Variants in SYT9 observed in about 807,000 individuals in gnomAD.
SYT9 encodes synaptotagmin-9.
A neutral mutation model predicts 48.4 loss-of-function variants in SYT9; 22 were observed. The ratio of observed to expected loss-of-function variants is 0.45; its 90% CI spans 0.32 to 0.65. The LOEUF is 0.65. Ranked by LOEUF, SYT9 falls within the 30% of genes least tolerant of loss-of-function variation. The probability of loss-of-function intolerance (pLI) is 0.03; values close to 1 mark genes in which losing one functional copy is unlikely to be tolerated. For missense variants in SYT9, 577 were observed against 622.0 expected, an observed-to-expected ratio of 0.93 and a Z score of 0.77; for synonymous variants, 265 against 245.0, an observed-to-expected ratio of 1.08 and a Z score of -0.76.
chr11:7,429,029 A>T (rs1847517597), intron 6 of SYT9, among the ~76,000 whole-genome samples: 1 of 152,086 alleles, frequency 6.6e-6, no homozygotes, highest in African/African-American at 2.4e-5. Flanking sequence ...TAGTACTCAC[A>T]CTCCAGCAAC....
chr11:7,442,402 G>A (rs561943021), intron 6 of SYT9, among the ~76,000 whole-genome samples: 1 of 152,312 alleles, frequency 6.6e-6, no homozygotes, highest in African/African-American at 2.4e-5. Context: ...CGGAACACTT[G>A]TCATTTCAAG....
At chr11:7,367,332 C>T (rs1415323877) in intron 3 of SYT9, among the ~76,000 whole-genome samples, 1 of 151,242 alleles carries the variant, frequency 6.6e-6, no homozygotes, top group Non-Finnish European at 1.5e-5. Context: ...CCGCCCTCCT[C>T]GGCCTCCCAG....
At chr11:7,282,743 C>A (rs996730689) in intron 1 of SYT9, among the ~76,000 whole-genome samples, 19 of 152,060 alleles carry the variant, frequency 1.2e-4, no homozygotes, top group African/African-American at 4.6e-4. Context: ...CAGTTGTTTC[C>A]CTTGAGACAC....
intron 3 of SYT9, among the ~76,000 whole-genome samples, chr11:7,318,708 C>T (rs935379135): frequency 6.6e-6 from 1 of 152,118 alleles, no homozygotes; most frequent in African/African-American, 2.4e-5. Flanking sequence ...ATTGTTTTAT[C>T]GTATGCTATA....
intron 3 of SYT9, among the ~76,000 whole-genome samples, chr11:7,343,549 AT>A (rs879583456): frequency 1.3e-5 from 2 of 152,194 alleles, no homozygotes; most frequent in Non-Finnish European, 2.9e-5. Flanking sequence ...TTAATGGTCC[AT>A]TATCAGCATT....
At chr11:7,244,522 C>A (rs763672573) in intron 1 of SYT9, among the ~76,000 whole-genome samples, 15 of 152,094 alleles carry the variant, frequency 9.9e-5, no homozygotes, top group Non-Finnish European at 2.2e-4. Context: ...GTCTCTTGGT[C>A]CAGATAAATT....
chr11:7,431,097 T>A (rs1161778471), intron 6 of SYT9, among the ~76,000 whole-genome samples: 47 of 152,330 alleles, frequency 3.1e-4, no homozygotes, highest in Non-Finnish European at 2.9e-5. Flanking sequence ...TAGGGACTGG[T>A]TAAATGGTTG....
Position 7,417,996 on chromosome 11 carries a change from G to T in SYT9, c.1205G>T (p.Arg402Leu). 1 of 1,614,040 alleles carries T rather than the reference G, an allele frequency of 6.2e-7. No individual in the cohort carries two copies. The highest frequency in any genetic ancestry group is 8.5e-7 in the Non-Finnish European group (1 of 1,179,990). ...GTCTCGCTGATGTGTGATGGCAGAC[G>T]ACTGAAGAAGAGGAAAACATCCACC... ...VKVSLMCDGR[R>L]LKKRKTSTKR... is the part of the protein sequence containing the mutation. Residue 402 changes from arginine (R) to leucine (L), a missense_variant, in exon 5 of 7, where the codon CGA becomes CTA. Coordinates refer to ENST00000318881, the MANE Select transcript of SYT9 (RefSeq NM_175733.4).
At chr11:7,424,611 A>G (rs1847419445) in intron 6 of SYT9, among the ~76,000 whole-genome samples, 1 of 152,216 alleles carries the variant, frequency 6.6e-6, no homozygotes. Context: ...TGGTGGGAAG[A>G]CGAGACACAG....
At chr11:7,305,154 A>G (rs1849009362) in intron 2 of SYT9, among the ~76,000 whole-genome samples, 1 of 152,190 alleles carries the variant, frequency 6.6e-6, no homozygotes. Context: ...GGGTAGAAGG[A>G]AAAAAATTAA....
chr11:7,270,456 A>T (rs1848273759), intron 1 of SYT9, among the ~76,000 whole-genome samples: 1 of 152,216 alleles, frequency 6.6e-6, no homozygotes, highest in Non-Finnish European at 1.5e-5. Flanking sequence ...TCAGTGCTTC[A>T]TCAGGAAGTG....
At chr11:7,373,841 G>T (rs1850405887) in intron 3 of SYT9, among the ~76,000 whole-genome samples, 1 of 152,090 alleles carries the variant, frequency 6.6e-6, no homozygotes, top group Non-Finnish European at 1.5e-5. Context: ...TTGTAATTGG[G>T]ACACTTCGTT....
chr11:7,294,583 C>G (rs555480541), intron 1 of SYT9, among the ~76,000 whole-genome samples: 1 of 152,282 alleles, frequency 6.6e-6, no homozygotes, highest in Admixed American at 6.5e-5. Context: ...AAAGAGGTAA[C>G]AGGTCCTGGG....
At chr11:7,251,873 C>G (rs979314953), upstream of SYT9, 1 of 260,422 alleles carries the variant, frequency 3.8e-6, no homozygotes, top group East Asian at 6.9e-5. Flanking sequence ...CCGGCGGCCG[C>G]GAGTAGCGGG....
chr11:7,432,635 A>G (rs1439715784), intron 6 of SYT9, among the ~76,000 whole-genome samples: 1 of 93,906 alleles, frequency 1.1e-5, no homozygotes, highest in Non-Finnish European at 2.1e-5. Flanking sequence ...ATATATATAT[A>G]TATTTAATGA....
intron 3 of SYT9, among the ~76,000 whole-genome samples, chr11:7,350,649 C>G (rs1029348087): frequency 6.6e-6 from 1 of 152,176 alleles, no homozygotes; most frequent in Admixed American, 6.5e-5. Context: ...AGAGCTCATT[C>G]TCTTTTCTTT....
At chr11:7,253,906 A>G (rs2119768122) in intron 1 of SYT9, among the ~76,000 whole-genome samples, 1 of 152,344 alleles carries the variant, frequency 6.6e-6, no homozygotes. Flanking sequence ...GTATTGAAAC[A>G]TCTCACTTCC....
At chr11:7,276,713 T>G (rs1848399658) in intron 1 of SYT9, among the ~76,000 whole-genome samples, 1 of 152,162 alleles carries the variant, frequency 6.6e-6, no homozygotes, top group Non-Finnish European at 1.5e-5. Context: ...AAACTCCCTG[T>G]GCTCTTTTGC....
chr11:7,420,214 C>T (rs1373545709), intron 5 of SYT9, among the ~76,000 whole-genome samples: 1 of 152,082 alleles, frequency 6.6e-6, no homozygotes, highest in Non-Finnish European at 1.5e-5. Flanking sequence ...TGGAGGCCAG[C>T]CTAGATCCAG....
Sources: allele counts gnomAD v4.1 joint callset (sites outside exome capture counted in the v4.1 genomes callset), GRCh38; gene constraint gnomAD v4.1.1; transcripts MANE v1.5; gene names NCBI Gene and HGNC (gene_info 2026-07-23, HGNC 2026-07-21).